Variants in SPOCK1 observed in about 807,000 individuals in gnomAD.
SPOCK1 encodes the protein SPARC (osteonectin), cwcv and kazal like domains proteoglycan 1.
Under a neutral mutation model 55.3 loss-of-function variants are expected in SPOCK1, and 23 were observed. The observed-to-expected ratio is 0.42, with a 90% CI of 0.30 to 0.59. The LOEUF is 0.59. Among genes scored for constraint, SPOCK1 ranks in the 20% least tolerant of loss-of-function variants. SPOCK1 has a pLI of 0.22. For synonymous variants in SPOCK1, 226 were observed against 221.0 expected, an observed-to-expected ratio of 1.02 and a Z score of -0.20; for missense variants, 499 against 552.5, an observed-to-expected ratio of 0.90 and a Z score of 0.97.
At chr5:137,325,554 A>C (rs1758060025) in intron 2 of SPOCK1, among the ~76,000 whole-genome samples, 1 of 152,236 alleles carries the variant, frequency 6.6e-6, no homozygotes, top group Non-Finnish European at 1.5e-5. Context: ...ACAGAACTTC[A>C]AGGCAGTAAC....
intron 4 of SPOCK1, among the ~76,000 whole-genome samples, chr5:137,137,375 T>C (rs1754003550): frequency 6.6e-6 from 1 of 152,160 alleles, no homozygotes; most frequent in Non-Finnish European, 1.5e-5. Flanking sequence ...TCCTGGAGTA[T>C]AATGTGGAAG....
chr5:137,268,397 T>C (rs928141717), intron 2 of SPOCK1, among the ~76,000 whole-genome samples: 1 of 152,238 alleles, frequency 6.6e-6, no homozygotes, highest in East Asian at 1.9e-4. Flanking sequence ...TAACTGGCCT[T>C]CTCACCCATC....
intron 2 of SPOCK1, among the ~76,000 whole-genome samples, chr5:137,336,123 C>T (rs1435486150): frequency 6.6e-6 from 1 of 152,152 alleles, no homozygotes; most frequent in African/African-American, 2.4e-5. Context: ...TTTCTCCATC[C>T]TTGGTGTTAA....
chr5:137,050,821 CAG>C lies in SPOCK1; in HGVS notation c.589+16892_589+16893del, dbSNP rs146068662. Among the ~76,000 whole-genome samples the C allele has an allele frequency of 4.7e-3, 720 of 152,260 alleles. 4 individuals carry two copies. The highest frequency in any genetic ancestry group is 0.017 in the African/African-American group (697 of 41,552). ...TAGTCATTTTAACAAAAATGGAAAACAGATTTCATTCACAAAAAGCAATCTCA... is the reference window on the plus strand; with the variant it reads ...TAGTCATTTTAACAAAAATGGAAAACATTTCATTCACAAAAAGCAATCTCA... On this transcript the variant is annotated intron_variant, in intron 6 of 10. Coordinates refer to ENST00000394945, the MANE Select transcript of SPOCK1 (RefSeq NM_004598.4).
At chr5:137,413,800 G>C (rs1752265187) in intron 2 of SPOCK1, among the ~76,000 whole-genome samples, 1 of 152,112 alleles carries the variant, frequency 6.6e-6, no homozygotes, top group Non-Finnish European at 1.5e-5. Context: ...TAATCAAGAA[G>C]TACCAAACTG....
At chr5:137,178,273 C>T (rs1303550728) in intron 3 of SPOCK1, among the ~76,000 whole-genome samples, 1 of 152,224 alleles carries the variant, frequency 6.6e-6, no homozygotes, top group East Asian at 1.9e-4. Flanking sequence ...AGCTCTCAAT[C>T]CCCTGTGCTT....
intron 4 of SPOCK1, among the ~76,000 whole-genome samples, chr5:137,118,861 C>T (rs1456540550): frequency 6.6e-6 from 1 of 152,228 alleles, no homozygotes; most frequent in Non-Finnish European, 1.5e-5. Context: ...ATATGAACAG[C>T]TGCTGAAGGA....
chr5:137,263,773 A>C (rs1435145063), intron 3 of SPOCK1, among the ~76,000 whole-genome samples: 1 of 152,190 alleles, frequency 6.6e-6, no homozygotes, highest in East Asian at 1.9e-4. Flanking sequence ...CCCTAATCTC[A>C]GGAAGAATTC....
intron 2 of SPOCK1, among the ~76,000 whole-genome samples, chr5:137,480,139 T>C (rs1209919252): frequency 6.6e-6 from 1 of 152,202 alleles, no homozygotes; most frequent in Non-Finnish European, 1.5e-5. Context: ...TCTGCCAAGA[T>C]GTTATTAAGG....
chr5:137,102,986 T>TTTTTG (rs1411609281), intron 5 of SPOCK1, among the ~76,000 whole-genome samples: 1 of 152,144 alleles, frequency 6.6e-6, no homozygotes, highest in Non-Finnish European at 1.5e-5. Flanking sequence ...TTTTGGGTTT[T>TTTTTG]TTTTGTTTTG....
chr5:137,039,822 A>G (rs575405767), intron 6 of SPOCK1, among the ~76,000 whole-genome samples: 11 of 152,334 alleles, frequency 7.2e-5, no homozygotes, highest in Admixed American at 1.3e-4. Context: ...ACCCAGAGCA[A>G]TGCTGGGTAT....
chr5:137,470,019 C>T (rs1350810690), intron 2 of SPOCK1, among the ~76,000 whole-genome samples: 1 of 152,198 alleles, frequency 6.6e-6, no homozygotes, highest in Non-Finnish European at 1.5e-5. Context: ...GATGCTGCTA[C>T]TATAAGTTAT....
intron 2 of SPOCK1, among the ~76,000 whole-genome samples, chr5:137,410,026 C>T (rs1331487102): frequency 1.3e-5 from 2 of 152,200 alleles, no homozygotes; most frequent in East Asian, 3.9e-4. Flanking sequence ...AGCCACCTCC[C>T]ACTGCCACCA....
At chr5:136,988,681 C>T (rs1360791344) in intron 7 of SPOCK1, 38 bp from the exon 8 acceptor site, 2 of 1,575,576 alleles carry the variant, frequency 1.3e-6, no homozygotes, top group South Asian at 1.2e-5. Context: ...GCCACCAAGC[C>T]TGATGCTTTC....
At chr5:137,472,886 C>A (rs753896545) in intron 2 of SPOCK1, among the ~76,000 whole-genome samples, 1 of 152,126 alleles carries the variant, frequency 6.6e-6, no homozygotes, top group Non-Finnish European at 1.5e-5. Flanking sequence ...GAAAGAAATG[C>A]CAATTAAAAC....
intron 2 of SPOCK1, among the ~76,000 whole-genome samples, chr5:137,428,305 A>G (rs1242781796): frequency 6.6e-6 from 1 of 152,166 alleles, no homozygotes; most frequent in Non-Finnish European, 1.5e-5. Context: ...CTTAAGCAAG[A>G]GGTTTCTGAG....
intron 4 of SPOCK1, among the ~76,000 whole-genome samples, chr5:137,118,256 A>C (rs1471868761): frequency 6.6e-6 from 1 of 152,224 alleles, no homozygotes; most frequent in Non-Finnish European, 1.5e-5. Flanking sequence ...CATCTTATTT[A>C]CAAGAACAAC....
At chr5:137,105,606 C>G (rs1753348613) in intron 5 of SPOCK1, among the ~76,000 whole-genome samples, 1 of 152,196 alleles carries the variant, frequency 6.6e-6, no homozygotes, top group Non-Finnish European at 1.5e-5. Flanking sequence ...GAACTTCAAA[C>G]ATGACCTTTA....
chr5:137,165,447 G>A lies in SPOCK1; in HGVS notation c.233-24753C>T, dbSNP rs1301132912. On this transcript the variant is annotated intron_variant, in intron 3 of 10. Coordinates refer to ENST00000394945, the MANE Select transcript of SPOCK1 (RefSeq NM_004598.4). ...TGAAAAGCCTTCCCAAGAAGGATGG[G>A]CACAAACAAGCCCAGACTGCAAAGA... is the stretch of plus-strand genomic sequence containing the variant. Among the ~76,000 whole-genome samples the A allele has an allele frequency of 2.6e-5, 4 of 152,256 alleles. 1 individual carries two copies. The highest frequency in any genetic ancestry group is 3.9e-4 in the East Asian group (2 of 5,172).
Sources: gnomAD v4.1 joint callset for allele counts (sites outside exome capture counted in the v4.1 genomes callset) on GRCh38, gnomAD v4.1.1 for gene constraint, MANE v1.5 for transcripts, NCBI Gene and HGNC (gene_info 2026-07-23, HGNC 2026-07-21) for gene names.